The following MYO1D variants were observed in gnomAD, a reference collection of about 807,000 sequenced individuals.
MYO1D encodes unconventional myosin-Id.
A neutral mutation model predicts 122.0 loss-of-function variants in MYO1D; 83 were observed. That is an observed-to-expected ratio of 0.68 (90% CI 0.57 to 0.82). The LOEUF is 0.82. Among genes scored for constraint, MYO1D ranks in the 40% least tolerant of loss-of-function variants. The pLI is 0.00. For synonymous variants in MYO1D, 464 were observed against 446.9 expected, an observed-to-expected ratio of 1.04 and a Z score of -0.48; for missense variants, 1,157 against 1,269.5, an observed-to-expected ratio of 0.91 and a Z score of 1.35.
intron 21 of MYO1D, among the ~76,000 whole-genome samples, chr17:32,602,254 G>C (rs1318301253): frequency 6.6e-6 from 1 of 152,036 alleles, no homozygotes; most frequent in Non-Finnish European, 1.5e-5. Context: ...GTTCTGGGTT[G>C]GTTTCAAAGG....
chr17:32,815,623 G>A (rs987329758), intron 1 of MYO1D, among the ~76,000 whole-genome samples: 12 of 152,278 alleles, frequency 7.9e-5, no homozygotes, highest in Admixed American at 5.9e-4. Flanking sequence ...AAGAGCACAC[G>A]CTTTGGCAAA....
At chr17:32,706,172 A>G (rs1167386684) in intron 16 of MYO1D, among the ~76,000 whole-genome samples, 1 of 152,198 alleles carries the variant, frequency 6.6e-6, no homozygotes, top group East Asian at 1.9e-4. Flanking sequence ...CAGTGGCACA[A>G]TCTCAGGTCA....
intron 17 of MYO1D, among the ~76,000 whole-genome samples, chr17:32,657,512 T>A (rs564896887): frequency 1.3e-5 from 2 of 152,246 alleles, no homozygotes; most frequent in Non-Finnish European, 2.9e-5. Context: ...CAGAAAAAGT[T>A]TGCAGAACCC....
chr17:32,805,348 C>T (rs963718693), intron 1 of MYO1D, among the ~76,000 whole-genome samples: 1 of 152,084 alleles, frequency 6.6e-6, no homozygotes, highest in African/African-American at 2.4e-5. Flanking sequence ...ATTTTTAATC[C>T]TAATTTGGTT....
At chr17:32,648,072 G>A (rs2088323097) in intron 19 of MYO1D, among the ~76,000 whole-genome samples, 1 of 152,098 alleles carries the variant, frequency 6.6e-6, no homozygotes, top group South Asian at 2.1e-4. Flanking sequence ...AAATTAGCCA[G>A]GCGTGGTGAT....
chr17:32,535,960 G>A (rs1008680292), intron 21 of MYO1D, among the ~76,000 whole-genome samples: 9 of 152,324 alleles, frequency 5.9e-5, no homozygotes, highest in African/African-American at 2.2e-4. Context: ...GAGAGGCAGC[G>A]CATAGCTGCA....
At chr17:32,613,789 CAAAAA>C (rs60701225) in intron 20 of MYO1D, among the ~76,000 whole-genome samples, 6 of 51,062 alleles carry the variant, frequency 1.2e-4, no homozygotes, top group South Asian at 1.2e-3. Flanking sequence ...GATTCCATCT[CAAAAA>C]AAAAAAAAAA....
At chr17:32,741,813 A>G (rs879530265) in intron 13 of MYO1D, among the ~76,000 whole-genome samples, 49 of 152,202 alleles carry the variant, frequency 3.2e-4, no homozygotes, top group Non-Finnish European at 5.1e-4. Flanking sequence ...GGAGATCGAG[A>G]CCATCCTGGC....
chr17:32,583,274 A>G (rs1353543894), intron 21 of MYO1D, among the ~76,000 whole-genome samples: 2 of 152,150 alleles, frequency 1.3e-5, no homozygotes, highest in Non-Finnish European at 2.9e-5. Context: ...TCCTCTGTAT[A>G]TAATGTGTCT....
At chr17:32,855,033 C>T (rs2091016603) in intron 1 of MYO1D, among the ~76,000 whole-genome samples, 1 of 152,162 alleles carries the variant, frequency 6.6e-6, no homozygotes, top group African/African-American at 2.4e-5. Context: ...TCATGACACA[C>T]CTTCAACTAA....
chr17:32,730,908 T>G (rs1005278620), intron 14 of MYO1D, among the ~76,000 whole-genome samples: 1 of 149,998 alleles, frequency 6.7e-6, no homozygotes, highest in Non-Finnish European at 1.5e-5. Context: ...ACGTGTCTTT[T>G]TTTTTTTTTT....
chr17:32,615,898 G>A (rs1248367147), intron 20 of MYO1D, among the ~76,000 whole-genome samples: 3 of 152,296 alleles, frequency 2.0e-5, no homozygotes, highest in African/African-American at 7.2e-5. Flanking sequence ...TTTGTCTAAT[G>A]GAGTGATTAT....
At chr17:32,720,751 C>A (rs1001343874) in intron 15 of MYO1D, among the ~76,000 whole-genome samples, 1 of 152,132 alleles carries the variant, frequency 6.6e-6, no homozygotes, top group African/African-American at 2.4e-5. Flanking sequence ...CAGAATTCCA[C>A]CCACAATGTG....
At chr17:32,867,313 G>A (rs1468062925) in intron 1 of MYO1D, among the ~76,000 whole-genome samples, 2 of 145,160 alleles carry the variant, frequency 1.4e-5, no homozygotes, top group Non-Finnish European at 3.0e-5. Flanking sequence ...GTGATAGTGT[G>A]AGACTGTCTC....
chr17:32,729,890 C>T (rs530744803), intron 14 of MYO1D, among the ~76,000 whole-genome samples: 7 of 152,136 alleles, frequency 4.6e-5, no homozygotes, highest in Non-Finnish European at 7.4e-5. Context: ...CCCAGACTGT[C>T]GAACTGATAT....
chr17:32,642,904 A>G (rs1260515239), intron 19 of MYO1D, among the ~76,000 whole-genome samples: 2 of 152,162 alleles, frequency 1.3e-5, no homozygotes, highest in East Asian at 1.9e-4. Context: ...TTCCTAATTG[A>G]ATACCCTTTA....
At position 32,638,049 on chromosome 17, in the gene MYO1D, T is replaced by C. The variant is rs1490224397; in HGVS notation, c.2709+673A>G. Among the ~76,000 whole-genome samples the C allele has an allele frequency of 2.6e-5, 4 of 152,188 alleles. No individual in the cohort carries two copies. In the South Asian group the frequency reaches 6.2e-4, roughly 24 times the overall value. On this transcript the variant is annotated intron_variant, in intron 20 of 21. Transcript: ENST00000318217. The stretch of plus-strand genomic sequence containing the variant: ...TAACAACTAACAGAGGAAAATCACC[T>C]GACACGTGAAAAGATCCAATATTCC...
rs187847039 is a variant in MYO1D, at chr17:32,714,310, A to G, written c.1914-2115T>C. 1.3e-3 allele frequency among the ~76,000 whole-genome samples: 203 copies of G among 151,628 alleles called. 1 individual carries two copies. Among genetic ancestry groups the G allele is most frequent in the African/African-American group, 4.5e-3 (186 of 41,262 alleles). ...TGTTCAGCTCCCACTTATAAGTGAG[A>G]ACATGTGCGGTTTGGTTTTCTGTTC... On this transcript the variant is annotated intron_variant, in intron 15 of 21. Coordinates refer to ENST00000318217, the MANE Select transcript of MYO1D (RefSeq NM_015194.3).
At chr17:32,710,028 T>C (rs1172102161) in intron 16 of MYO1D, among the ~76,000 whole-genome samples, 1 of 152,168 alleles carries the variant, frequency 6.6e-6, no homozygotes, top group Non-Finnish European at 1.5e-5. Flanking sequence ...CAAATTAATC[T>C]ATATTCAGTT....
Sources: gnomAD v4.1 joint callset for allele counts (sites outside exome capture counted in the v4.1 genomes callset) on GRCh38, gnomAD v4.1.1 for gene constraint, MANE v1.5 for transcripts, NCBI Gene and HGNC (gene_info 2026-07-23, HGNC 2026-07-21) for gene names.